Variants in EML6 observed in about 807,000 individuals in gnomAD.
EML6 encodes EMAP like 6.
EML6 carries 154 observed loss-of-function variants against 240.1 expected under a neutral mutation model. That is an observed-to-expected ratio of 0.64 (90% confidence interval 0.56 to 0.73). The LOEUF is 0.73. Among genes scored for constraint, EML6 ranks in the 30% least tolerant of loss-of-function variants. The pLI, the probability that EML6 is intolerant of heterozygous loss-of-function variation, is 0.00. For missense variants in EML6, 2,964 were observed against 2,474.6 expected, an observed-to-expected ratio of 1.20 and a Z score of -4.20; for synonymous variants, 1,148 against 899.0, an observed-to-expected ratio of 1.28 and a Z score of -4.95.
chr2:54,886,431 G>C (rs1385777307), intron 17 of EML6, among the ~76,000 whole-genome samples: 1 of 152,098 alleles, frequency 6.6e-6, no homozygotes, highest in Non-Finnish European at 1.5e-5. Flanking sequence ...CAGCCCCCCA[G>C]AGTGTTGGGA....
intron 28 of EML6, among the ~76,000 whole-genome samples, chr2:54,934,075 A>G (rs1391408101): frequency 6.6e-6 from 1 of 152,148 alleles, no homozygotes; most frequent in Non-Finnish European, 1.5e-5. Context: ...TGAACAATCA[A>G]CGATTCCTGC....
At chr2:54,935,914 C>G (rs1390353512) in intron 28 of EML6, among the ~76,000 whole-genome samples, 1 of 152,076 alleles carries the variant, frequency 6.6e-6, no homozygotes, top group African/African-American at 2.4e-5. Context: ...CTTATAATCC[C>G]AGCTACTCAG....
At chr2:54,893,706 A>T (rs1331906419) in intron 19 of EML6, among the ~76,000 whole-genome samples, 1 of 152,192 alleles carries the variant, frequency 6.6e-6, no homozygotes. Flanking sequence ...CCTCCAGTTG[A>T]AGCCACCTAC....
At chr2:54,835,018 G>A (rs1027908393) in intron 7 of EML6, among the ~76,000 whole-genome samples, 4 of 152,190 alleles carry the variant, frequency 2.6e-5, no homozygotes, top group African/African-American at 7.2e-5. Flanking sequence ...GCATTGCGCT[G>A]CTTCGCCCTG....
At chr2:54,872,702 C>G (rs1290244403) in intron 16 of EML6, among the ~76,000 whole-genome samples, 1 of 152,226 alleles carries the variant, frequency 6.6e-6, no homozygotes, top group East Asian at 1.9e-4. Context: ...TCCTTCACAT[C>G]TGTCTAACTG....
At position 54,883,153 on chromosome 2, in the gene EML6, A is replaced by G. The variant is rs576931462; in HGVS notation, c.2438+3513A>G. Among the ~76,000 whole-genome samples, 18 of 152,284 alleles carry G rather than the reference A, an allele frequency of 1.2e-4. No individual in the cohort carries two copies. In the South Asian group the frequency reaches 3.7e-3, roughly 32 times the overall value. Reference sequence around the variant, plus strand: ...GCACTTAATAAAAGGAAAATCATCTATAATTCCACTACCCAGATGTAGCCA... The same window carrying G: ...GCACTTAATAAAAGGAAAATCATCTGTAATTCCACTACCCAGATGTAGCCA... On this transcript the variant is annotated intron_variant, in intron 17 of 41. Coordinates refer to ENST00000356458, the MANE Select transcript of EML6 (RefSeq NM_001039753.4).
At chr2:54,938,244 G>A (rs1675252449) in intron 28 of EML6, among the ~76,000 whole-genome samples, 2 of 152,166 alleles carry the variant, frequency 1.3e-5, no homozygotes, top group Non-Finnish European at 2.9e-5. Flanking sequence ...TACTCGGGAG[G>A]CTGAGGGAGG....
At chr2:54,795,493 C>T (rs991941957) in intron 2 of EML6, among the ~76,000 whole-genome samples, 3 of 152,092 alleles carry the variant, frequency 2.0e-5, no homozygotes, top group Non-Finnish European at 2.9e-5. Flanking sequence ...CAGTGAGTCT[C>T]ATCAAATACA....
At chr2:54,820,330 A>T in intron 4 of EML6, 64 bp from the exon 5 acceptor site, 1 of 897,822 alleles carries the variant, frequency 1.1e-6, no homozygotes, top group Non-Finnish European at 1.8e-6. Context: ...CAATTGGACT[A>T]GTATTGGGAA....
rs934684255 is a variant in EML6, at chr2:54,952,450, A to C, written c.4214-144A>C. On this transcript the variant is annotated intron_variant, in intron 30 of 41. Coordinates refer to ENST00000356458, the MANE Select transcript of EML6 (RefSeq NM_001039753.4). ...AAAAAAACGACCCTTCATCTCCCCA[A>C]GTGTGATTCTGGAAGTGAGAATTTG... 5 of 572,894 alleles carry C rather than the reference A, an allele frequency of 8.7e-6. No individual in the cohort carries two copies. In the Admixed American group the frequency reaches 1.6e-4, roughly 18 times the overall value. 35.5% of individuals were successfully genotyped at this position (572,894 alleles called of 1,614,324 possible).
intron 16 of EML6, among the ~76,000 whole-genome samples, chr2:54,878,573 A>G (rs962327380): frequency 6.6e-6 from 1 of 152,238 alleles, no homozygotes; most frequent in Non-Finnish European, 1.5e-5. Context: ...CATTCAGTAT[A>G]TTTTTAAAAC....
At chr2:54,743,116 G>C (rs1036229001) in intron 2 of EML6, among the ~76,000 whole-genome samples, 2 of 152,234 alleles carry the variant, frequency 1.3e-5, no homozygotes, top group African/African-American at 4.8e-5. Context: ...TGTTTATTCA[G>C]TTCAGGGTCC....
chr2:54,851,096 A>C (rs1670058863), intron 10 of EML6, among the ~76,000 whole-genome samples: 1 of 152,206 alleles, frequency 6.6e-6, no homozygotes, highest in Admixed American at 6.5e-5. Context: ...GCTGAGAAGC[A>C]GAGATGATCT....
intron 2 of EML6, among the ~76,000 whole-genome samples, chr2:54,808,247 G>T (rs1419502053): frequency 6.6e-6 from 1 of 152,190 alleles, no homozygotes; most frequent in African/African-American, 2.4e-5. Context: ...ACCAGGACTG[G>T]AACACAGCCA....
chr2:54,755,770 C>T (rs1210587350), intron 2 of EML6, among the ~76,000 whole-genome samples: 1 of 152,132 alleles, frequency 6.6e-6, no homozygotes, highest in Non-Finnish European at 1.5e-5. Flanking sequence ...AAGCGATCCT[C>T]CCACCTCAGC....
chr2:54,850,317 C>A, intron 10 of EML6, 99 bp downstream of exon 10: 1 of 1,160,480 alleles, frequency 8.6e-7, no homozygotes, highest in South Asian at 1.6e-5. Context: ...AGAATTTGTA[C>A]AGCAGGTTTT....
At chr2:54,964,474 C>A in intron 37 of EML6, 97 bp from the exon 38 acceptor site, 1 of 1,200,620 alleles carries the variant, frequency 8.3e-7, no homozygotes, top group South Asian at 1.5e-5. Flanking sequence ...CTCTCATTGC[C>A]TTTAGGCCTG....
At chr2:54,847,673 G>A in intron 9 of EML6, 50 bp downstream of exon 9, 2 of 1,541,320 alleles carry the variant, frequency 1.3e-6, no homozygotes, top group Non-Finnish European at 1.8e-6. Flanking sequence ...CGTGTTAAAT[G>A]TTACAATTTT....
chr2:54,811,367 TGGA>T (rs1346579190), intron 2 of EML6, among the ~76,000 whole-genome samples: 1 of 152,194 alleles, frequency 6.6e-6, no homozygotes, highest in Non-Finnish European at 1.5e-5. Flanking sequence ...ACTGAAACTG[TGGA>T]GGACATTGTC....
Sources: allele counts gnomAD v4.1 joint callset (sites outside exome capture counted in the v4.1 genomes callset), GRCh38; gene constraint gnomAD v4.1.1; transcripts MANE v1.5; gene names NCBI Gene and HGNC (gene_info 2026-07-23, HGNC 2026-07-21).